RAD51B: variants seen among roughly 807,000 people sequenced by gnomAD.
The protein encoded by RAD51B is RAD51 paralog B, also known as DNA repair protein RAD51 homolog 2.
A neutral mutation model predicts 42.2 loss-of-function variants in RAD51B; 38 were observed. The ratio of observed to expected loss-of-function variants is 0.90; its 90% CI spans 0.70 to 1.18. The LOEUF is 1.18. RAD51B is among the 50% of genes most tolerant of loss of function. The probability of loss-of-function intolerance (pLI) is 0.00; values close to 1 mark genes in which losing one functional copy is unlikely to be tolerated. For synonymous variants in RAD51B, 154 were observed against 145.2 expected (o/e 1.06, Z -0.43); for missense variants, 373 against 400.7 (o/e 0.93, Z 0.59).
chr14:68,127,895 C>T (rs1401015280), intron 7 of RAD51B, among the ~76,000 whole-genome samples: 2 of 152,076 alleles, frequency 1.3e-5, no homozygotes, highest in African/African-American at 4.8e-5. Flanking sequence ...TAGTTTGTGT[C>T]CCCTAGGAAT....
intron 8 of RAD51B, among the ~76,000 whole-genome samples, chr14:68,361,581 A>G (rs61986906): frequency 0.45 from 68,253 of 151,952 alleles, 16,972 homozygotes; most frequent in South Asian, 0.59. Flanking sequence ...TGTTTTAGCT[A>G]TGGGGGGTAA....
At chr14:67,924,450 C>T (rs540453679) in intron 7 of RAD51B, among the ~76,000 whole-genome samples, 84 of 152,212 alleles carry the variant, frequency 5.5e-4, no homozygotes, top group Admixed American at 3.1e-3. Flanking sequence ...AAGAGATACC[C>T]GAGACTGGGC....
chr14:68,586,173 T>C (rs368544344), intron 10 of RAD51B, among the ~76,000 whole-genome samples: 11 of 152,268 alleles, frequency 7.2e-5, no homozygotes, highest in East Asian at 1.9e-4. Flanking sequence ...AGAGCTGCGA[T>C]AGTCCTGTTC....
chr14:68,379,509 T>C (rs1185965057), intron 8 of RAD51B, among the ~76,000 whole-genome samples: 1 of 152,162 alleles, frequency 6.6e-6, no homozygotes, highest in Non-Finnish European at 1.5e-5. Flanking sequence ...ACATGGAGAA[T>C]GGTATCACTT....
chr14:68,459,427 G>T (rs1333665511), intron 9 of RAD51B, among the ~76,000 whole-genome samples: 2 of 152,200 alleles, frequency 1.3e-5, no homozygotes, highest in Non-Finnish European at 2.9e-5. Flanking sequence ...TAGAGGAAAG[G>T]TTTGTTTAAC....
intron 7 of RAD51B, among the ~76,000 whole-genome samples, chr14:68,095,985 A>G (rs2077187056): frequency 6.6e-6 from 1 of 151,246 alleles, no homozygotes; most frequent in Non-Finnish European, 1.5e-5. Flanking sequence ...AAAAAAAAAA[A>G]AAAAAAAAAA....
At chr14:67,917,970 A>C (rs577108567) in intron 7 of RAD51B, among the ~76,000 whole-genome samples, 1 of 152,320 alleles carries the variant, frequency 6.6e-6, no homozygotes, top group South Asian at 2.1e-4. Flanking sequence ...TCAGAGAATA[A>C]ATTGCTACAT....
intron 10 of RAD51B, among the ~76,000 whole-genome samples, chr14:68,557,764 C>T (rs934473934): frequency 3.3e-5 from 5 of 152,176 alleles, no homozygotes; most frequent in African/African-American, 1.2e-4. Flanking sequence ...TTCAAAGGAA[C>T]AGGTCCTGAT....
At chr14:68,280,322 C>CGAAT (rs2081297175) in intron 7 of RAD51B, among the ~76,000 whole-genome samples, 1 of 152,158 alleles carries the variant, frequency 6.6e-6, no homozygotes, top group Non-Finnish European at 1.5e-5. Context: ...CAGTGAATGC[C>CGAAT]TTATTCTGAG....
chr14:68,636,308 C>G (rs531738803), intron 10 of RAD51B, among the ~76,000 whole-genome samples: 1 of 152,054 alleles, frequency 6.6e-6, no homozygotes, highest in Non-Finnish European at 1.5e-5. Context: ...TAAGGCTGGG[C>G]GTGGTGGCTC....
intron 10 of RAD51B, among the ~76,000 whole-genome samples, chr14:68,617,033 T>C (rs1891840337): frequency 6.6e-6 from 1 of 152,230 alleles, no homozygotes; most frequent in Non-Finnish European, 1.5e-5. Flanking sequence ...CTGTTCATTC[T>C]GTCTTTTCAA....
chr14:68,594,197 C>T (rs1890883630), intron 10 of RAD51B, among the ~76,000 whole-genome samples: 1 of 151,810 alleles, frequency 6.6e-6, no homozygotes, highest in Non-Finnish European at 1.5e-5. Context: ...CCACAATTTC[C>T]TCTCCCAGAA....
intron 8 of RAD51B, among the ~76,000 whole-genome samples, chr14:68,350,777 C>T (rs1432318601): frequency 1.3e-5 from 2 of 152,232 alleles, no homozygotes; most frequent in East Asian, 3.8e-4. Context: ...CCACTGAACA[C>T]ATTTGCCTTC....
downstream of RAD51B, among the ~76,000 whole-genome samples, chr14:68,482,042 C>T (rs771571769): frequency 6.6e-6 from 1 of 152,120 alleles, no homozygotes; most frequent in African/African-American, 2.4e-5. Flanking sequence ...CATTCTTCCC[C>T]GTGAGCTGAT....
intron 7 of RAD51B, among the ~76,000 whole-genome samples, chr14:68,043,416 A>C (rs2076246673): frequency 6.6e-6 from 1 of 152,228 alleles, no homozygotes; most frequent in South Asian, 2.1e-4. Flanking sequence ...TTTGCATTAT[A>C]CTGATCAGAA....
At chr14:68,584,581 C>T (rs1401728198) in intron 10 of RAD51B, among the ~76,000 whole-genome samples, 3 of 152,178 alleles carry the variant, frequency 2.0e-5, no homozygotes, top group Non-Finnish European at 2.9e-5. Flanking sequence ...GCGCTTCTTG[C>T]CTGCTCCCAA....
intron 7 of RAD51B, among the ~76,000 whole-genome samples, chr14:67,959,799 A>T (rs2074624042): frequency 6.6e-6 from 1 of 152,062 alleles, no homozygotes; most frequent in Non-Finnish European, 1.5e-5. Flanking sequence ...TAGAAATATG[A>T]CCGGGTGCAG....
intron 10 of RAD51B, among the ~76,000 whole-genome samples, chr14:68,593,683 T>C (rs1485351003): frequency 6.6e-6 from 1 of 152,156 alleles, no homozygotes; most frequent in Non-Finnish European, 1.5e-5. Flanking sequence ...CTGGCATTTA[T>C]AGTGATGCCA....
chr14:68,565,495 A>G lies in RAD51B; in HGVS notation c.1037-28990A>G, dbSNP rs2140028814. ...TCAGAGTGAGACTCTGTCTCAAAAA[A>G]AAAAGAAGTTCTTTCTTACATTGAG... On this transcript the variant is annotated intron_variant, in intron 10 of 10. Transcript: ENST00000487270. This position sits in a 1 kb window ranked among gnomAD's most constrained non-coding sequence, Gnocchi z 4.1. 6.6e-6 allele frequency among the ~76,000 whole-genome samples: 1 copy of G among 152,304 alleles called. No homozygotes were observed. Among genetic ancestry groups the G allele is most frequent in the Non-Finnish European group, 1.5e-5 (1 of 68,028 alleles).
Sources: gnomAD v4.1 joint callset for allele counts (sites outside exome capture counted in the v4.1 genomes callset) on GRCh38, gnomAD v4.1.1 for gene constraint, Gnocchi (gnomAD v3.1) non-coding constraint, MANE v1.5 for transcripts, NCBI Gene and HGNC (gene_info 2026-07-23, HGNC 2026-07-21) for gene names.